Variants in SUZ12 observed in about 807,000 individuals in gnomAD.
SUZ12 encodes the protein SUZ12 polycomb repressive complex 2 subunit, also known as polycomb protein SUZ12.
A neutral mutation model predicts 87.3 loss-of-function variants in SUZ12; 17 were observed. The observed-to-expected ratio is 0.19, with a 90% CI of 0.13 to 0.29. SUZ12 has a LOEUF of 0.29. Among genes scored for constraint, SUZ12 ranks in the 10% least tolerant of loss-of-function variants. The pLI is 1.00. For missense variants in SUZ12, 526 were observed against 912.2 expected, an observed-to-expected ratio of 0.58 and a Z score of 5.45; for synonymous variants, 253 against 312.4, an observed-to-expected ratio of 0.81 and a Z score of 2.01.
intron 10 of SUZ12, among the ~76,000 whole-genome samples, chr17:31,990,786 C>T (rs1397254498): frequency 2.6e-5 from 4 of 152,066 alleles, no homozygotes; most frequent in South Asian, 2.1e-4. Flanking sequence ...TTCTCTCTCT[C>T]ACCCTGGCTG....
chr17:31,959,533 G>A (rs1293815695), intron 4 of SUZ12, among the ~76,000 whole-genome samples: 2 of 152,164 alleles, frequency 1.3e-5, no homozygotes, highest in African/African-American at 4.8e-5. Flanking sequence ...CATATCATAG[G>A]ATGAAATGTA....
At chr17:31,970,109 T>C (rs1908327303) in intron 5 of SUZ12, among the ~76,000 whole-genome samples, 1 of 152,182 alleles carries the variant, frequency 6.6e-6, no homozygotes, top group Non-Finnish European at 1.5e-5. Flanking sequence ...AAACTTTTGT[T>C]TGGCAATTAC....
intron 14 of SUZ12, 98 bp downstream of exon 14, chr17:31,995,860 TTTA>T (rs2142217818): frequency 7.9e-6 from 7 of 888,610 alleles, no homozygotes; most frequent in Non-Finnish European, 1.0e-5. Context: ...AGGAACTTTT[TTTA>T]AAAAAAAAAA....
chr17:31,970,434 C>CCTGGTGAAGCTGGTCTCAA (rs1908356957), intron 5 of SUZ12, among the ~76,000 whole-genome samples: 1 of 152,056 alleles, frequency 6.6e-6, no homozygotes, highest in Non-Finnish European at 1.5e-5. Flanking sequence ...TTGAGACCAG[C>CCTGGTGAAGCTGGTCTCAA]CTGGCCAACA....
At chr17:31,992,028 A>G (rs752022516) in intron 10 of SUZ12, among the ~76,000 whole-genome samples, 2 of 152,078 alleles carry the variant, frequency 1.3e-5, no homozygotes, top group Admixed American at 6.5e-5. Flanking sequence ...ACGGTGACTC[A>G]TATCTGTAAT....
chr17:31,993,548 G>T (rs375582584), intron 11 of SUZ12, among the ~76,000 whole-genome samples: 6 of 151,952 alleles, frequency 3.9e-5, no homozygotes, highest in Admixed American at 2.0e-4. Flanking sequence ...TCAGCCTCAC[G>T]AGTAACTAAT....
chr17:31,990,539 A>G (rs567986161), intron 10 of SUZ12, among the ~76,000 whole-genome samples: 1 of 151,820 alleles, frequency 6.6e-6, no homozygotes, highest in South Asian at 2.1e-4. Context: ...TAATTTTTGT[A>G]TTTTTAGTAG....
Position 31,994,005 on chromosome 17 carries a change from T to C in SUZ12, c.1434T>C (p.Tyr478=), listed in dbSNP as rs1909850685. 1.2e-6 allele frequency: 2 copies of C among 1,609,278 alleles called. No individual in the cohort carries two copies. Among genetic ancestry groups the C allele is most frequent in the Admixed American group, 1.7e-5 (1 of 58,768 alleles). ...GCCATAGCAGATTTATCTTCAACTA[T>C]GTTGTGAGTAATTTTTCATATTTTC... is the stretch of plus-strand genomic sequence containing the variant. The part of the protein sequence containing the change: ...KLCHSRFIFN[Y]VYHPKGARID... Residue 478 remains tyrosine (Y), a synonymous_variant, in exon 12 of 16, where the codon TAT becomes TAC. Transcript: ENST00000322652.
Position 31,999,624 on chromosome 17 carries a change from T to C in SUZ12, c.*621T>C, listed in dbSNP as rs1910156687. 4.3e-6 allele frequency: 1 copy of C among 231,928 alleles called. No homozygotes were observed. Among genetic ancestry groups the C allele is most frequent in the Admixed American group, 5.6e-5 (1 of 17,760 alleles). The allele number at this position is 231,928 out of a possible 1,614,324, so 14.4% of individuals were successfully genotyped here. On this transcript the variant is annotated 3_prime_UTR_variant, in exon 16 of 16. Transcript: ENST00000322652. ...TAAAAAATAGCACTTCTTCATCTTA[T>C]GCCTGTTTGAGAAGATATTAAATTT... is the stretch of plus-strand genomic sequence containing the variant.
chr17:31,980,246 T>G (rs926264528), intron 8 of SUZ12, among the ~76,000 whole-genome samples: 2 of 151,890 alleles, frequency 1.3e-5, no homozygotes, highest in Non-Finnish European at 2.9e-5. Context: ...TTAAAATCAG[T>G]ATGGATTAAC....
chr17:31,956,749 CGT>C (rs896988768), intron 4 of SUZ12, among the ~76,000 whole-genome samples: 5 of 151,246 alleles, frequency 3.3e-5, no homozygotes, highest in South Asian at 2.1e-4. Flanking sequence ...TCTATATATA[CGT>C]GTGTGTGTGT....
chr17:31,970,932 T>C (rs1173850733), intron 5 of SUZ12, among the ~76,000 whole-genome samples: 3 of 151,020 alleles, frequency 2.0e-5, no homozygotes, highest in Admixed American at 6.6e-5. Context: ...AATTAGTGAT[T>C]AAATATTCAG....
chr17:31,956,125 G>A (rs1598156357), intron 4 of SUZ12, among the ~76,000 whole-genome samples: 1 of 151,850 alleles, frequency 6.6e-6, no homozygotes, highest in East Asian at 1.9e-4. Context: ...GTGTTAGCCA[G>A]GATGTTCTCA....
Position 31,965,263 on chromosome 17 carries a change from G to C in SUZ12, c.456-884G>C, listed in dbSNP as rs561645266. Among the ~76,000 whole-genome samples the C allele has an allele frequency of 2.0e-5, 3 of 152,164 alleles. 1 individual carries two copies. The South Asian group carries it at 6.2e-4, about 32-fold the overall frequency. On this transcript the variant is annotated intron_variant, in intron 4 of 15. Coordinates refer to ENST00000322652, the MANE Select transcript of SUZ12 (RefSeq NM_015355.4). Reference sequence around the variant, plus strand: ...CTTTCCTTTCCCCACCATCTGTTCTGTATAGCCCTCCATAATCTGGTGTCT... The same window carrying C: ...CTTTCCTTTCCCCACCATCTGTTCTCTATAGCCCTCCATAATCTGGTGTCT...
chr17:31,985,452 CCT>C (rs1258588249), intron 9 of SUZ12, among the ~76,000 whole-genome samples: 2 of 149,958 alleles, frequency 1.3e-5, no homozygotes, highest in East Asian at 2.0e-4. Context: ...ATATATTTTC[CCT>C]GTTTCTAAAA....
At chr17:31,982,751 A>G (rs1186866557) in intron 8 of SUZ12, among the ~76,000 whole-genome samples, 3 of 152,198 alleles carry the variant, frequency 2.0e-5, no homozygotes, top group Non-Finnish European at 4.4e-5. Flanking sequence ...GGCATATTAT[A>G]CTTTACATGT....
At chr17:31,954,619 A>G (rs1907196404) in intron 4 of SUZ12, among the ~76,000 whole-genome samples, 1 of 152,136 alleles carries the variant, frequency 6.6e-6, no homozygotes, top group Middle Eastern at 3.2e-3. Flanking sequence ...ATAAATATGA[A>G]ATAAGTGCTG....
At chr17:31,974,747 T>C (rs982620824) in intron 6 of SUZ12, among the ~76,000 whole-genome samples, 2 of 152,208 alleles carry the variant, frequency 1.3e-5, no homozygotes, top group Admixed American at 1.3e-4. Context: ...TATAGTCTTA[T>C]AAAATAGAAA....
At chr17:31,962,668 C>T (rs79226277) in intron 4 of SUZ12, among the ~76,000 whole-genome samples, 25,412 of 148,288 alleles carry the variant, frequency 0.17, no homozygotes, top group African/African-American at 0.32. Flanking sequence ...CAGACCGCAG[C>T]GAGTAAGTGG....
Sources: gnomAD v4.1 joint callset for allele counts (sites outside exome capture counted in the v4.1 genomes callset) on GRCh38, gnomAD v4.1.1 for gene constraint, MANE v1.5 for transcripts, NCBI Gene and HGNC (gene_info 2026-07-23, HGNC 2026-07-21) for gene names.